Variants in PXDNL observed in about 807,000 individuals in gnomAD.
The protein encoded by PXDNL is peroxidasin like, also known as probable oxidoreductase PXDNL.
Under a neutral mutation model 150.8 loss-of-function variants are expected in PXDNL, and 145 were observed. The ratio of observed to expected loss-of-function variants is 0.96; its 90% CI spans 0.84 to 1.10. PXDNL has a LOEUF of 1.10. Ranked by LOEUF, PXDNL falls within the 50% of genes least tolerant of loss-of-function variation. PXDNL has a pLI of 0.00. For synonymous variants in PXDNL, 757 were observed against 725.7 expected (o/e 1.04, Z -0.69); for missense variants, 2,087 against 1,873.9 (o/e 1.11, Z -2.10).
chr8:51,509,255 C>T (rs1811358253), intron 4 of PXDNL, among the ~76,000 whole-genome samples: 1 of 152,116 alleles, frequency 6.6e-6, no homozygotes, highest in Non-Finnish European at 1.5e-5. Flanking sequence ...ATATATACAA[C>T]ATTTATGTGT....
intron 1 of PXDNL, among the ~76,000 whole-genome samples, chr8:51,759,144 C>T (rs998775421): frequency 1.9e-4 from 29 of 152,110 alleles, no homozygotes; most frequent in African/African-American, 6.8e-4. Flanking sequence ...TGTTTGCCCC[C>T]GCATTGGTTG....
At chr8:51,751,159 T>C (rs1384400069) in intron 1 of PXDNL, among the ~76,000 whole-genome samples, 1 of 152,194 alleles carries the variant, frequency 6.6e-6, no homozygotes, top group Non-Finnish European at 1.5e-5. Flanking sequence ...TCATAGGTCA[T>C]ATCAACATGT....
At chr8:51,358,759 C>A (rs1217316950) in intron 19 of PXDNL, among the ~76,000 whole-genome samples, 2 of 152,150 alleles carry the variant, frequency 1.3e-5, no homozygotes, top group East Asian at 1.9e-4. Context: ...TCCCCTCCCC[C>A]ACAACCCCAG....
At chr8:51,665,043 C>T (rs1043689998) in intron 1 of PXDNL, among the ~76,000 whole-genome samples, 6 of 152,222 alleles carry the variant, frequency 3.9e-5, no homozygotes, top group Non-Finnish European at 8.8e-5. Flanking sequence ...GGCAGCTGCC[C>T]TGCCAGCTGC....
intron 5 of PXDNL, among the ~76,000 whole-genome samples, chr8:51,485,715 A>G (rs1810716452): frequency 6.6e-6 from 1 of 152,190 alleles, no homozygotes. Context: ...GTTCAGCCCA[A>G]TCTTTCTCCC....
At chr8:51,754,196 A>C (rs2130982026) in intron 1 of PXDNL, among the ~76,000 whole-genome samples, 1 of 152,342 alleles carries the variant, frequency 6.6e-6, no homozygotes, top group East Asian at 1.9e-4. Flanking sequence ...TGTGGAGGGA[A>C]CAGGATTTTA....
intron 19 of PXDNL, 75 bp downstream of exon 19, chr8:51,371,798 C>G: frequency 7.7e-7 from 1 of 1,301,094 alleles, no homozygotes; most frequent in South Asian, 1.3e-5. Flanking sequence ...ATCGCATAAT[C>G]TTTACCACTG....
chr8:51,769,578 T>C (rs1396205028), intron 1 of PXDNL, among the ~76,000 whole-genome samples: 1 of 151,334 alleles, frequency 6.6e-6, no homozygotes, highest in Non-Finnish European at 1.5e-5. Flanking sequence ...ATGCCCTTTT[T>C]TCCTGTGATA....
chr8:51,374,236 C>T (rs1483070249), intron 18 of PXDNL, among the ~76,000 whole-genome samples: 1 of 152,156 alleles, frequency 6.6e-6, no homozygotes, highest in Non-Finnish European at 1.5e-5. Flanking sequence ...ACAATTGTTA[C>T]TCACACTTTA....
At chr8:51,323,128 C>A (rs1177612824) in intron 21 of PXDNL, among the ~76,000 whole-genome samples, 8 of 152,100 alleles carry the variant, frequency 5.3e-5, no homozygotes, top group Non-Finnish European at 8.8e-5. Flanking sequence ...TATGTCCTAG[C>A]AGACTAGGAC....
At chr8:51,525,179 G>A (rs1242355863) in intron 4 of PXDNL, among the ~76,000 whole-genome samples, 1 of 151,934 alleles carries the variant, frequency 6.6e-6, no homozygotes, top group African/African-American at 2.4e-5. Context: ...CAGGAAAAGT[G>A]CAGGAAAGCT....
At chr8:51,327,790 A>G (rs1161096821) in intron 21 of PXDNL, among the ~76,000 whole-genome samples, 3 of 152,214 alleles carry the variant, frequency 2.0e-5, no homozygotes, top group African/African-American at 7.2e-5. Flanking sequence ...TCCCATCCTC[A>G]CGACAAGAAA....
intron 19 of PXDNL, among the ~76,000 whole-genome samples, chr8:51,352,084 G>A (rs560512999): frequency 3.3e-5 from 5 of 151,860 alleles, no homozygotes; most frequent in Admixed American, 2.0e-4. Context: ...ATTAGTGTGT[G>A]GTCATCTCAA....
chr8:51,501,734 A>G (rs1042551497), intron 4 of PXDNL, among the ~76,000 whole-genome samples: 1 of 152,206 alleles, frequency 6.6e-6, no homozygotes, highest in African/African-American at 2.4e-5. Flanking sequence ...CCACACACTC[A>G]CACACTGTCC....
At chr8:51,545,319 A>C (rs1253445575) in intron 4 of PXDNL, among the ~76,000 whole-genome samples, 3 of 152,256 alleles carry the variant, frequency 2.0e-5, no homozygotes, top group Non-Finnish European at 4.4e-5. Flanking sequence ...TTTATTTAAA[A>C]ATGTATACTT....
At chr8:51,429,101 A>G (rs1416922691) in intron 12 of PXDNL, among the ~76,000 whole-genome samples, 1 of 152,234 alleles carries the variant, frequency 6.6e-6, no homozygotes, top group Non-Finnish European at 1.5e-5. Context: ...AGAAGTCATT[A>G]GGGACATGCA....
chr8:51,559,062 G>A (rs552863700), intron 3 of PXDNL, among the ~76,000 whole-genome samples: 23 of 151,884 alleles, frequency 1.5e-4, no homozygotes, highest in African/African-American at 3.1e-4. Flanking sequence ...TGTGGAAACC[G>A]CATTCTTTGG....
At chr8:51,532,698 C>T (rs1347465901) in intron 4 of PXDNL, among the ~76,000 whole-genome samples, 1 of 152,206 alleles carries the variant, frequency 6.6e-6, no homozygotes, top group Non-Finnish European at 1.5e-5. Context: ...GTCTCTTTGA[C>T]AAAGTCTCCC....
At chr8:51,418,381 T>A (rs750248234) in intron 14 of PXDNL, among the ~76,000 whole-genome samples, 1 of 152,204 alleles carries the variant, frequency 6.6e-6, no homozygotes, top group Non-Finnish European at 1.5e-5. Context: ...TTTAAAACTC[T>A]TCAGTTACCA....
Sources: gnomAD v4.1 joint callset for allele counts (sites outside exome capture counted in the v4.1 genomes callset) on GRCh38, gnomAD v4.1.1 for gene constraint, MANE v1.5 for transcripts, NCBI Gene and HGNC (gene_info 2026-07-23, HGNC 2026-07-21) for gene names.